The following GAS2 variants were observed in gnomAD, a reference collection of about 807,000 sequenced individuals.
GAS2 encodes growth arrest specific 2.
Under a neutral mutation model 37.5 loss-of-function variants are expected in GAS2, and 20 were observed. The ratio of observed to expected loss-of-function variants is 0.53; its 90% CI spans 0.37 to 0.77. The LOEUF (loss-of-function observed/expected upper bound fraction) is 0.77. Ranked by LOEUF, GAS2 falls within the 30% of genes least tolerant of loss-of-function variation. GAS2 has a pLI of 0.00. For missense variants in GAS2, 336 were observed against 373.4 expected (o/e 0.90, Z 0.82); for synonymous variants, 144 against 132.2 (o/e 1.09, Z -0.61).
At position 22,812,559 on chromosome 11, in the gene GAS2, G is replaced by C. The variant is rs1043462241; in HGVS notation, c.*543G>C. 4.6e-5 allele frequency: 7 copies of C among 151,578 alleles called. No individual in the cohort carries two copies. The highest frequency in any genetic ancestry group is 1.7e-4 in the African/African-American group (7 of 41,038). 9.4% of individuals were successfully genotyped at this position (151,578 alleles called of 1,614,324 possible). A position where few individuals can be genotyped will look rare whatever the true frequency, so the allele number is the denominator to read the frequency against. On this transcript the variant is annotated 3_prime_UTR_variant, in exon 8 of 8. Coordinates refer to ENST00000454584, the MANE Select transcript of GAS2 (RefSeq NM_001143830.3). ...TTACTGGAAAGGCCACTTCCGAAAA[G>C]TTTACATTCACTTGGAAGGCTGCCT...
chr11:22,646,944 TAA>T (rs1848703289), intron 1 of GAS2, among the ~76,000 whole-genome samples: 1 of 151,900 alleles, frequency 6.6e-6, no homozygotes, highest in Non-Finnish European at 1.5e-5. Flanking sequence ...TATTATACTT[TAA>T]GTTTTAGGGT....
intron 1 of GAS2, among the ~76,000 whole-genome samples, chr11:22,649,501 C>A (rs868415498): frequency 3.3e-5 from 5 of 151,864 alleles, no homozygotes; most frequent in African/African-American, 1.2e-4. Flanking sequence ...GGTACCAGTT[C>A]CTCCTTGTAC....
chr11:22,696,068 A>C (rs1850494818), intron 3 of GAS2, among the ~76,000 whole-genome samples: 1 of 150,046 alleles, frequency 6.7e-6, no homozygotes, highest in Non-Finnish European at 1.5e-5. Context: ...CATTAGGTAT[A>C]TCTCCTAATG....
chr11:22,646,660 A>G (rs1300844632), intron 1 of GAS2, among the ~76,000 whole-genome samples: 1 of 152,238 alleles, frequency 6.6e-6, no homozygotes, highest in Non-Finnish European at 1.5e-5. Context: ...ACAGAGAGCC[A>G]TATGACATTT....
At chr11:22,696,618 T>G (rs1490499484) in intron 3 of GAS2, among the ~76,000 whole-genome samples, 2 of 151,896 alleles carry the variant, frequency 1.3e-5, no homozygotes, top group African/African-American at 2.4e-5. Flanking sequence ...TTTCCTGACT[T>G]TTTAATGATT....
At chr11:22,792,790 A>C (rs923037308) in intron 7 of GAS2, among the ~76,000 whole-genome samples, 3 of 152,230 alleles carry the variant, frequency 2.0e-5, no homozygotes, top group Non-Finnish European at 2.9e-5. Flanking sequence ...GAATTGTTTA[A>C]TTCTTCTGGA....
intron 7 of GAS2, among the ~76,000 whole-genome samples, chr11:22,785,537 T>C (rs1855780538): frequency 6.6e-6 from 1 of 152,202 alleles, no homozygotes; most frequent in South Asian, 2.1e-4. Context: ...TAAAGGACTT[T>C]GCTGATGTCT....
At chr11:22,717,569 CAA>C (rs1490822165) in intron 3 of GAS2, among the ~76,000 whole-genome samples, 1 of 152,028 alleles carries the variant, frequency 6.6e-6, no homozygotes, top group Non-Finnish European at 1.5e-5. Context: ...TTATCCTAGA[CAA>C]AGAGTTGATG....
At chr11:22,649,715 G>T (rs374716443) in intron 1 of GAS2, among the ~76,000 whole-genome samples, 1 of 152,136 alleles carries the variant, frequency 6.6e-6, no homozygotes, top group Non-Finnish European at 1.5e-5. Flanking sequence ...AGAGGTGTTT[G>T]TAGTATTCTC....
chr11:22,734,741 G>A (rs1264523800), intron 4 of GAS2, among the ~76,000 whole-genome samples: 1 of 151,702 alleles, frequency 6.6e-6, no homozygotes, highest in Non-Finnish European at 1.5e-5. Flanking sequence ...GCAGAAAAAT[G>A]TGATTTTGTA....
chr11:22,676,641 G>T (rs760743768), intron 2 of GAS2, among the ~76,000 whole-genome samples: 14 of 152,030 alleles, frequency 9.2e-5, no homozygotes, highest in Non-Finnish European at 1.8e-4. Context: ...ACAGTATCTG[G>T]CCCTAGTAAA....
intron 4 of GAS2, among the ~76,000 whole-genome samples, chr11:22,729,734 G>A (rs1203341682): frequency 7.9e-6 from 1 of 126,744 alleles, no homozygotes; most frequent in Non-Finnish European, 1.7e-5. Flanking sequence ...ATTACTAGAT[G>A]TGAATAAAAT....
intron 2 of GAS2, among the ~76,000 whole-genome samples, chr11:22,675,679 A>G (rs1249920084): frequency 1.1e-5 from 1 of 88,840 alleles, no homozygotes; most frequent in East Asian, 6.2e-4. Context: ...TTAAAGGATC[A>G]TCATATATAG....
chr11:22,648,470 G>C (rs552295943), intron 1 of GAS2, among the ~76,000 whole-genome samples: 1 of 152,272 alleles, frequency 6.6e-6, no homozygotes, highest in African/African-American at 2.4e-5. Context: ...GAAAGTCATT[G>C]GTAGCTTGAT....
At chr11:22,737,994 A>T (rs1237413094) in intron 5 of GAS2, among the ~76,000 whole-genome samples, 1 of 152,172 alleles carries the variant, frequency 6.6e-6, no homozygotes, top group East Asian at 1.9e-4. Context: ...ATGTCTAAGC[A>T]TTTGCTAATA....
intron 3 of GAS2, among the ~76,000 whole-genome samples, chr11:22,707,883 G>A (rs1284820163): frequency 1.3e-5 from 2 of 152,122 alleles, no homozygotes; most frequent in Admixed American, 6.6e-5. Flanking sequence ...TTAAATTTAG[G>A]AAGATTAATC....
chr11:22,654,864 T>C (rs1848838016), intron 1 of GAS2, among the ~76,000 whole-genome samples: 1 of 152,204 alleles, frequency 6.6e-6, no homozygotes. Flanking sequence ...TAAAGAGTTA[T>C]GGTTAACTTG....
intron 3 of GAS2, among the ~76,000 whole-genome samples, chr11:22,690,296 A>T (rs1850177846): frequency 6.6e-6 from 1 of 152,152 alleles, no homozygotes; most frequent in Admixed American, 6.6e-5. Context: ...TAAATCCATG[A>T]CTCTTTTATA....
At chr11:22,699,421 C>A (rs1850714142) in intron 3 of GAS2, among the ~76,000 whole-genome samples, 1 of 151,792 alleles carries the variant, frequency 6.6e-6, no homozygotes, top group Admixed American at 6.6e-5. Context: ...AATTTACTGC[C>A]AAAAGAATGT....
Sources: gnomAD v4.1 joint callset for allele counts (sites outside exome capture counted in the v4.1 genomes callset) on GRCh38, gnomAD v4.1.1 for gene constraint, MANE v1.5 for transcripts, NCBI Gene and HGNC (gene_info 2026-07-23, HGNC 2026-07-21) for gene names.